Variants in USP35 observed in about 807,000 individuals in gnomAD.
USP35 encodes the protein ubiquitin specific peptidase 35.
A neutral mutation model predicts 83.8 loss-of-function variants in USP35; 69 were observed. The observed-to-expected ratio is 0.82, with a 90% CI of 0.68 to 1.01. The LOEUF is 1.01. Among genes scored for constraint, USP35 ranks in the 50% least tolerant of loss-of-function variants. The probability of loss-of-function intolerance (pLI) is 0.00; values close to 1 mark genes in which losing one functional copy is unlikely to be tolerated. For missense variants in USP35, 1,503 were observed against 1,362.5 expected, an observed-to-expected ratio of 1.10 and a Z score of -1.62; for synonymous variants, 714 against 589.5, an observed-to-expected ratio of 1.21 and a Z score of -3.06.
At chr11:78,221,535 G>C in the USP35 span, 1 of 479,158 alleles carries the variant, frequency 2.1e-6, no homozygotes, top group Admixed American at 3.5e-5. Flanking sequence ...CTCAAGAAGG[G>C]TTTGTAGCAG....
At chr11:78,197,728 A>C (rs891958249) in intron 2 of USP35, among the ~76,000 whole-genome samples, 22 of 152,346 alleles carry the variant, frequency 1.4e-4, no homozygotes, top group Admixed American at 6.5e-4. Context: ...TGGCCAGCAC[A>C]GGAGTAGCCC....
chr11:78,223,901 C>A, the USP35 span, among the ~76,000 whole-genome samples: 1 of 151,900 alleles, frequency 6.6e-6, no homozygotes, highest in Non-Finnish European at 1.5e-5. Flanking sequence ...GCCAACATGG[C>A]AAAACCTCCT....
At chr11:78,222,296 A>C in the USP35 span, 13 of 753,228 alleles carry the variant, frequency 1.7e-5, no homozygotes, top group East Asian at 3.4e-4. Flanking sequence ...AGGCCTGCAA[A>C]GTCATTCCAG....
downstream of USP35, chr11:78,217,909 G>A (rs1381280229): frequency 6.6e-6 from 1 of 152,596 alleles, no homozygotes; most frequent in African/African-American, 2.4e-5. Flanking sequence ...TGGTCCTCTA[G>A]GCATCATTCT....
the USP35 span, chr11:78,226,422 T>A: frequency 6.8e-7 from 1 of 1,478,332 alleles, no homozygotes; most frequent in African/African-American, 1.4e-5. Flanking sequence ...ACCCCTGTGT[T>A]ACCTCCTCCT....
At position 78,196,391 on chromosome 11, in the gene USP35, A is replaced by C. The variant is rs1863145067; in HGVS notation, c.146A>C (p.Tyr49Ser). Residue 49 changes from tyrosine (Y) to serine (S), a missense_variant, in exon 2 of 11, where the codon TAC (tyrosine) becomes TCC (serine). By Grantham distance (144) the Tyr-to-Ser change is moderately radical. Transcript: ENST00000529308. This position sits in a 1 kb window ranked among gnomAD's most constrained non-coding sequence, Gnocchi z 4.8. ...CTGCTGGCGCTGGGCGCGCGCCTCT[A>C]CGTGGGCGGCGCGGAGGAGCTGCCG... is the stretch of plus-strand genomic sequence containing the variant. ...LALLALGARL[Y>S]VGGAEELPRR... is the part of the protein sequence containing the mutation. 7.0e-7 allele frequency: 1 copy of C among 1,436,292 alleles called. No individual in the cohort carries two copies. Among genetic ancestry groups the C allele is most frequent in the Admixed American group, 3.0e-5 (1 of 32,790 alleles). 89.0% of individuals were successfully genotyped at this position (1,436,292 alleles called of 1,614,324 possible).
chr11:78,190,722 G>A (rs942745539), intron 1 of USP35, among the ~76,000 whole-genome samples: 3 of 152,250 alleles, frequency 2.0e-5, no homozygotes, highest in African/African-American at 7.2e-5. Flanking sequence ...GAGGGAAAAG[G>A]AAAGGCTTCC....
Position 78,205,818 on chromosome 11 carries a change from C to T in USP35, c.1198-24C>T, listed in dbSNP as rs371928988. The T allele has an allele frequency of 1.0e-4, 165 of 1,590,666 alleles. No individual in the cohort carries two copies. The African/African-American group carries it at 1.8e-3, about 17-fold the overall frequency. On this transcript the variant is annotated intron_variant, in intron 6 of 10. Coordinates refer to ENST00000529308, the MANE Select transcript of USP35 (RefSeq NM_020798.4). ...GCTGACCCTGGTGCCCACCATCCTG[C>T]CTGCCTGCTTATTCCCTCCTCAGGA...
chr11:78,213,324 C>T lies in USP35; in HGVS notation c.2890-322C>T, dbSNP rs532594602. Among the ~76,000 whole-genome samples the T allele has an allele frequency of 3.9e-5, 6 of 152,226 alleles. No homozygotes were observed. The East Asian group carries it at 9.7e-4, about 25-fold the overall frequency. On this transcript the variant is annotated intron_variant, in intron 10 of 10. Transcript: ENST00000529308. Reference sequence around the variant, plus strand: ...GAGCCCATTCCTCGTGATCATGAGGCCTGCGGACAGGTTCCCGTGTGGTGT... The same window carrying T: ...GAGCCCATTCCTCGTGATCATGAGGTCTGCGGACAGGTTCCCGTGTGGTGT...
chr11:78,193,530 T>C (rs979768664), intron 1 of USP35, among the ~76,000 whole-genome samples: 4 of 152,062 alleles, frequency 2.6e-5, no homozygotes, highest in Non-Finnish European at 5.9e-5. Flanking sequence ...AAAGACACTT[T>C]ATAGGCCTTT....
At chr11:78,221,558 T>C in the USP35 span, 2 of 546,800 alleles carry the variant, frequency 3.7e-6, no homozygotes, top group Non-Finnish European at 6.7e-6. Context: ...GACTAAATCA[T>C]GAATAATACA....
At chr11:78,229,743 T>C in the USP35 span, among the ~76,000 whole-genome samples, 1 of 152,224 alleles carries the variant, frequency 6.6e-6, no homozygotes, top group Admixed American at 6.5e-5. Context: ...TTAGTTCCCT[T>C]TTCCACTCTA....
At chr11:78,198,105 G>A (rs375529210) in intron 3 of USP35, 37 bp downstream of exon 3, 88 of 1,612,430 alleles carry the variant, frequency 5.5e-5, no homozygotes, top group Middle Eastern at 4.9e-4. Flanking sequence ...CAGGGCTGGG[G>A]CCCCTCCCTC....
In USP35 at chr11:78,196,453, C is replaced by T; in HGVS notation, c.208C>T (p.Arg70Cys). ...VGCQLLHVAG[R>C]HHPDVFAEFF... ...CTGCCAGCTGCTGCACGTGGCCGGCCGCCACCACCCCGACGTCTTCGCCGA... is the reference window on the plus strand; with the variant it reads ...CTGCCAGCTGCTGCACGTGGCCGGCTGCCACCACCCCGACGTCTTCGCCGA... Residue 70 changes from arginine (R) to cysteine (C), a missense_variant, in exon 2 of 11, where the codon CGC (arginine) becomes TGC (cysteine). Transcript: ENST00000529308. The surrounding 1 kb of genome is among the most constrained non-coding windows in gnomAD (Gnocchi z 4.8). The T allele has an allele frequency of 7.9e-7, 1 of 1,261,760 alleles. No individual in the cohort carries two copies. Among genetic ancestry groups the T allele is most frequent in the African/African-American group, 1.6e-5 (1 of 62,338 alleles). The allele number at this position is 1,261,760 out of a possible 1,614,324, so 78.2% of individuals were successfully genotyped here.
At chr11:78,221,903 A>C in the USP35 span, 5 of 700,618 alleles carry the variant, frequency 7.1e-6, no homozygotes, top group South Asian at 1.7e-5. Flanking sequence ...ACACTCCATC[A>C]GATTAAGATC....
chr11:78,189,121 GC>G lies in USP35; in HGVS notation c.-44del. ...TCGTCCTGCCCGGCCTGAGCGCCCCGCCCAGCAGCCGGCTCTGGCCCACCGG... is the reference window on the plus strand; with the variant it reads ...TCGTCCTGCCCGGCCTGAGCGCCCCGCCAGCAGCCGGCTCTGGCCCACCGG... On this transcript the variant is annotated 5_prime_UTR_variant, in exon 1 of 11. Coordinates refer to ENST00000529308, the MANE Select transcript of USP35 (RefSeq NM_020798.4). The G allele has an allele frequency of 3.5e-6, 1 of 282,012 alleles. No individual in the cohort carries two copies. The highest frequency in any genetic ancestry group is 5.4e-6 in the Non-Finnish European group (1 of 186,802). The allele number at this position is 282,012 out of a possible 1,614,324, so 17.5% of individuals were successfully genotyped here. A position where few individuals can be genotyped will look rare whatever the true frequency, so the allele number is the denominator to read the frequency against.
In USP35 at chr11:78,213,957, T is replaced by C. The variant is rs1863932233; in HGVS notation, c.*144T>C. On this transcript the variant is annotated 3_prime_UTR_variant, in exon 11 of 11. Transcript: ENST00000529308. Reference sequence around the variant, plus strand: ...CAGCCTGATGAAGGGTACACAGAGATTCTCTCAGATATGGAAGTAAGACCT... The same window carrying C: ...CAGCCTGATGAAGGGTACACAGAGACTCTCTCAGATATGGAAGTAAGACCT... 3.4e-6 allele frequency: 3 copies of C among 884,076 alleles called. No homozygotes were observed. Among genetic ancestry groups the C allele is most frequent in the Non-Finnish European group, 4.8e-6 (3 of 627,924 alleles). The allele number at this position is 884,076 out of a possible 1,614,324, so 54.8% of individuals were successfully genotyped here.
rs374864122 is a variant in USP35 at position 78,205,858 on chromosome 11, A to T, written c.1214A>T (p.Asn405Ile). 2 of 1,613,604 alleles carry T rather than the reference A, an allele frequency of 1.2e-6. No individual in the cohort carries two copies. Among genetic ancestry groups the T allele is most frequent in the African/African-American group, 1.3e-5 (1 of 75,042 alleles). The change falls in exon 7 of 11, where the codon AAT becomes ATT. Residue 405 changes from asparagine to isoleucine, a missense_variant. Transcript: ENST00000529308. The stretch of plus-strand genomic sequence containing the variant: ...CCTCCTCAGGACCTCCATGTTCCCA[A>T]TGAGGACCGCATCAAGCAGCTGCTG... ...MEAIKDLHVPNEDRIKQLLGQ... is the reference protein window; with the variant it reads ...MEAIKDLHVPIEDRIKQLLGQ...
rs1409515940 is a variant in USP35, at chr11:78,214,028, A to C, written c.*215A>C. ...CAGTCCCATTAAAACTTTACACCCA[A>C]GTGTCCTGGTTAACTTGAAGCAGCC... On this transcript the variant is annotated 3_prime_UTR_variant, in exon 11 of 11. Transcript: ENST00000529308. 4 of 496,460 alleles carry C rather than the reference A, an allele frequency of 8.1e-6. No homozygotes were observed. In the Admixed American group the frequency reaches 1.8e-4, roughly 22 times the overall value. 30.8% of individuals were successfully genotyped at this position (496,460 alleles called of 1,614,324 possible).
Sources: allele counts gnomAD v4.1 joint callset (sites outside exome capture counted in the v4.1 genomes callset), GRCh38; gene constraint gnomAD v4.1.1; non-coding constraint Gnocchi (gnomAD v3.1); transcripts MANE v1.5; gene names NCBI Gene and HGNC (gene_info 2026-07-23, HGNC 2026-07-21).